Variants in RARB observed in about 807,000 individuals in gnomAD.
RARB encodes HBV-activated protein.
RARB carries 17 observed loss-of-function variants against 51.9 expected under a neutral mutation model. That is an observed-to-expected ratio of 0.33 (90% CI 0.22 to 0.49). The LOEUF (loss-of-function observed/expected upper bound fraction) is 0.49. Among genes scored for constraint, RARB ranks in the 20% least tolerant of loss-of-function variants. The pLI is 0.99. For missense variants in RARB, 369 were observed against 550.8 expected (o/e 0.67, Z 3.30); for synonymous variants, 215 against 195.4 (o/e 1.10, Z -0.84).
chr3:24,840,806 T>A (rs2125330307), intron 1 of RARB, among the ~76,000 whole-genome samples: 1 of 147,956 alleles, frequency 6.8e-6, no homozygotes, highest in South Asian at 2.1e-4. Context: ...AAGATAACAT[T>A]GAGCACAACC....
intron 2 of RARB, among the ~76,000 whole-genome samples, chr3:24,933,385 T>G (rs1175887171): frequency 6.6e-6 from 1 of 152,120 alleles, no homozygotes; most frequent in Non-Finnish European, 1.5e-5. Context: ...TTAAAAAATT[T>G]CCATAGGTGC....
chr3:25,188,055 C>T (rs991362999), intron 5 of RARB, among the ~76,000 whole-genome samples: 14 of 151,844 alleles, frequency 9.2e-5, no homozygotes, highest in Admixed American at 3.3e-4. Flanking sequence ...AACAAGTTAC[C>T]GAATTAATAG....
chr3:25,299,484 G>C (rs1046211293), intron 5 of RARB, among the ~76,000 whole-genome samples: 1 of 152,104 alleles, frequency 6.6e-6, no homozygotes, highest in African/African-American at 2.4e-5. Context: ...ACAGACATGA[G>C]CCACCACACC....
chr3:25,220,156 G>A (rs1167805037), intron 5 of RARB, among the ~76,000 whole-genome samples: 1 of 152,038 alleles, frequency 6.6e-6, no homozygotes, highest in South Asian at 2.1e-4. Flanking sequence ...ACTGCCTTTG[G>A]ACTATTTCAT....
At chr3:25,229,440 G>C (rs1332775983) in intron 5 of RARB, among the ~76,000 whole-genome samples, 5 of 152,098 alleles carry the variant, frequency 3.3e-5, no homozygotes, top group Admixed American at 2.6e-4. Context: ...AGGCAGTACA[G>C]CTCTCTGTAA....
intron 2 of RARB, among the ~76,000 whole-genome samples, chr3:24,910,715 G>A (rs1006597644): frequency 5.3e-5 from 8 of 151,980 alleles, no homozygotes; most frequent in African/African-American, 1.7e-4. Flanking sequence ...TGTGTCTGAC[G>A]CTACCCTGGG....
In RARB at chr3:25,205,944, A is replaced by C. The variant is rs147217716; in HGVS notation, c.178+31369A>C. On this transcript the variant is annotated intron_variant, in intron 5 of 11. Coordinates refer to the RARB transcript ENST00000383772. The stretch of plus-strand genomic sequence containing the variant: ...CTTCTACAAAAACAACTTTAGTATA[A>C]AATAGGCTTTATGTCAGATGATTTG... Among the ~76,000 whole-genome samples the C allele has an allele frequency of 4.4e-3, 666 of 152,206 alleles. 5 individuals carry two copies. The highest frequency in any genetic ancestry group is 0.015 in the African/African-American group (616 of 41,536).
intron 4 of RARB, among the ~76,000 whole-genome samples, chr3:25,172,040 T>C (rs538170464): frequency 5.9e-5 from 9 of 152,328 alleles, no homozygotes; most frequent in African/African-American, 1.7e-4. Flanking sequence ...GTGGGATTTT[T>C]AGAATTAGTG....
chr3:25,461,729 A>C (rs776079487), intron 2 of RARB, among the ~76,000 whole-genome samples: 2 of 152,138 alleles, frequency 1.3e-5, no homozygotes, highest in African/African-American at 2.4e-5. Flanking sequence ...CCTCATCTCT[A>C]CTAAAAATAC....
At chr3:25,010,746 A>G (rs1171134344) in intron 2 of RARB, among the ~76,000 whole-genome samples, 1 of 152,180 alleles carries the variant, frequency 6.6e-6, no homozygotes, top group Non-Finnish European at 1.5e-5. Context: ...AAATCCTTCC[A>G]GCACTAACTC....
chr3:25,146,292 G>C (rs1385895231), intron 4 of RARB, among the ~76,000 whole-genome samples: 1 of 152,070 alleles, frequency 6.6e-6, no homozygotes, highest in Non-Finnish European at 1.5e-5. Flanking sequence ...ACTTTTCCTA[G>C]AATGGGCCAG....
At chr3:24,986,294 GTTA>G (rs1416165568) in intron 2 of RARB, among the ~76,000 whole-genome samples, 8 of 152,168 alleles carry the variant, frequency 5.3e-5, no homozygotes, top group African/African-American at 1.7e-4. Context: ...CAAAATATGT[GTTA>G]TTATATGTGT....
chr3:25,138,926 G>C (rs1035276872), intron 4 of RARB, among the ~76,000 whole-genome samples: 1 of 152,038 alleles, frequency 6.6e-6, no homozygotes, highest in African/African-American at 2.4e-5. Flanking sequence ...CTCACTTCCT[G>C]TCTCTGTCAC....
rs1221291012 is a variant in RARB at position 25,494,831 on chromosome 3, GT to G, written c.307-6350del. On this transcript the variant is annotated intron_variant, in intron 2 of 7. Transcript: ENST00000330688. ...GATCTTTATTTTAAACATAGAATGTGTATGGGAAATTGTTCAGAAAAAACTG... is the reference window on the plus strand; with the variant it reads ...GATCTTTATTTTAAACATAGAATGTGATGGGAAATTGTTCAGAAAAAACTG... Among the ~76,000 whole-genome samples, 5 of 152,294 alleles carry G rather than the reference GT, an allele frequency of 3.3e-5. 1 individual carries two copies. Among genetic ancestry groups the G allele is most frequent in the Admixed American group, 2.6e-4 (4 of 15,296 alleles).
chr3:24,945,994 G>C (rs917552005), intron 2 of RARB, among the ~76,000 whole-genome samples: 1 of 152,158 alleles, frequency 6.6e-6, no homozygotes, highest in East Asian at 1.9e-4. Context: ...GGCCAGGCGC[G>C]GTGGCTCACG....
At chr3:25,290,530 G>A (rs1315469060) in intron 5 of RARB, among the ~76,000 whole-genome samples, 2 of 152,164 alleles carry the variant, frequency 1.3e-5, no homozygotes, top group Non-Finnish European at 2.9e-5. Context: ...AGGGACACAG[G>A]AAACACGCCT....
rs570075492 is a variant in RARB at position 25,501,167 on chromosome 3, C to G, written c.307-15C>G. 1.9e-6 allele frequency: 3 copies of G among 1,559,458 alleles called. No homozygotes were observed. The highest frequency in any genetic ancestry group is 4.3e-5 in the Admixed American group (2 of 46,372). On this transcript the variant is annotated splice_polypyrimidine_tract_variant and intron_variant, in intron 2 of 7. Transcript: ENST00000330688. ...TTGCTTTACTGAGTTTTTTCATCTTCTTGCTTGCTTGCAGGGCTTTTTCCG... is the reference window on the plus strand; with the variant it reads ...TTGCTTTACTGAGTTTTTTCATCTTGTTGCTTGCTTGCAGGGCTTTTTCCG...
intron 5 of RARB, among the ~76,000 whole-genome samples, chr3:25,589,581 C>T (rs1377706375): frequency 1.3e-5 from 2 of 152,238 alleles, no homozygotes; most frequent in Non-Finnish European, 2.9e-5. Flanking sequence ...GGCTCTGCCT[C>T]TGGGGTCCCA....
At chr3:25,091,272 G>A (rs17015794) in intron 3 of RARB, among the ~76,000 whole-genome samples, 1,841 of 152,272 alleles carry the variant, frequency 0.012, 36 homozygotes, top group African/African-American at 0.042. Context: ...GCCTTCTGAG[G>A]TTCGAAGATA....
Sources: gnomAD v4.1 joint callset for allele counts (sites outside exome capture counted in the v4.1 genomes callset) on GRCh38, gnomAD v4.1.1 for gene constraint, MANE v1.5 for transcripts, NCBI Gene and HGNC (gene_info 2026-07-23, HGNC 2026-07-21) for gene names.